CDH4: variants seen among roughly 807,000 people sequenced by gnomAD.
CDH4 encodes the protein cadherin 4.
Under a neutral mutation model 86.0 loss-of-function variants are expected in CDH4, and 33 were observed. The observed-to-expected ratio is 0.38, with a 90% CI of 0.29 to 0.51. The LOEUF (loss-of-function observed/expected upper bound fraction) is 0.51, where lower values mean the gene tolerates loss of function less well. CDH4 is among the 20% of genes least tolerant of loss of function. The pLI is 0.86. For synonymous variants in CDH4, 555 were observed against 549.4 expected (o/e 1.01, Z -0.14); for missense variants, 1,114 against 1,307.4 (o/e 0.85, Z 2.28).
At chr20:61,261,203 C>G (rs569029201) in intron 2 of CDH4, among the ~76,000 whole-genome samples, 7 of 152,078 alleles carry the variant, frequency 4.6e-5, no homozygotes, top group Non-Finnish European at 7.4e-5. Context: ...TCAGTGATTC[C>G]TAAGTCAGTG....
chr20:61,898,743 A>G (rs1372811541), intron 8 of CDH4, among the ~76,000 whole-genome samples: 3 of 152,204 alleles, frequency 2.0e-5, no homozygotes, highest in African/African-American at 7.2e-5. Context: ...CTTTCCACCT[A>G]GAATTAATCC....
At chr20:61,867,561 AAGAG>A (rs33910207) in intron 6 of CDH4, among the ~76,000 whole-genome samples, 15 of 142,102 alleles carry the variant, frequency 1.1e-4, no homozygotes, top group Non-Finnish European at 2.0e-4. Context: ...AAAAAAAAAA[AAGAG>A]AGAGAGAGAG....
At chr20:61,347,653 C>T (rs776367535) in intron 2 of CDH4, among the ~76,000 whole-genome samples, 1 of 152,192 alleles carries the variant, frequency 6.6e-6, no homozygotes, top group Admixed American at 6.5e-5. Flanking sequence ...ACCTGGAAGT[C>T]CATTGTTCAG....
intron 2 of CDH4, among the ~76,000 whole-genome samples, chr20:61,383,613 TG>T (rs796301330): frequency 6.7e-4 from 4 of 5,988 alleles, no homozygotes; most frequent in East Asian, 0.062. Flanking sequence ...ATGATATATA[TG>T]AATATATGAT....
At chr20:61,718,871 A>G (rs1213996529) in intron 2 of CDH4, 3 of 470,978 alleles carry the variant, frequency 6.4e-6, no homozygotes, top group Non-Finnish European at 1.3e-5. Flanking sequence ...TCCTGCTGTC[A>G]GGCTGGGGAT....
chr20:61,505,780 G>A (rs546050368), intron 2 of CDH4, among the ~76,000 whole-genome samples: 23 of 151,674 alleles, frequency 1.5e-4, no homozygotes, highest in African/African-American at 3.6e-4. Context: ...TAATGTTCTC[G>A]TGTGTTTTTA....
chr20:61,802,357 C>A (rs1414928666), intron 4 of CDH4, among the ~76,000 whole-genome samples: 1 of 152,228 alleles, frequency 6.6e-6, no homozygotes, highest in African/African-American at 2.4e-5. Context: ...AGAGCCCACC[C>A]TGCAGCCACC....
chr20:61,609,787 G>C (rs941027805), intron 2 of CDH4, among the ~76,000 whole-genome samples: 11 of 152,234 alleles, frequency 7.2e-5, no homozygotes, highest in Non-Finnish European at 1.5e-4. Flanking sequence ...GAATGAGCTT[G>C]TCTGCGAATT....
At chr20:61,291,586 G>A (rs189620245) in intron 2 of CDH4, among the ~76,000 whole-genome samples, 39 of 152,334 alleles carry the variant, frequency 2.6e-4, no homozygotes, top group Non-Finnish European at 3.7e-4. Flanking sequence ...ACTGCCGGTC[G>A]GCAGGAGCTC....
intron 2 of CDH4, among the ~76,000 whole-genome samples, chr20:61,403,618 T>G (rs62199116): frequency 0.056 from 8,563 of 152,212 alleles, 256 homozygotes; most frequent in African/African-American, 0.087. Context: ...CCTGACTTTG[T>G]TTCTGCCTGG....
At chr20:61,722,366 A>T (rs995242332) in intron 2 of CDH4, among the ~76,000 whole-genome samples, 2 of 152,170 alleles carry the variant, frequency 1.3e-5, no homozygotes, top group Admixed American at 6.5e-5. Context: ...TGCTACACAC[A>T]TGTTGACATA....
At chr20:61,860,042 C>G (rs564501187) in intron 6 of CDH4, among the ~76,000 whole-genome samples, 1 of 152,396 alleles carries the variant, frequency 6.6e-6, no homozygotes, top group South Asian at 2.1e-4. Context: ...AGGACAGTGC[C>G]TGCCTCATGG....
intron 2 of CDH4, among the ~76,000 whole-genome samples, chr20:61,264,936 A>C (rs1315763273): frequency 6.9e-6 from 1 of 145,330 alleles, no homozygotes; most frequent in Non-Finnish European, 1.5e-5. Context: ...TGGCTCCTTC[A>C]TTCAGTCCTA....
intron 2 of CDH4, among the ~76,000 whole-genome samples, chr20:61,319,518 A>G (rs779751922): frequency 3.3e-5 from 5 of 152,132 alleles, no homozygotes; most frequent in Non-Finnish European, 5.9e-5. Context: ...TCTCTTTGAG[A>G]TCTGATTTCA....
intron 2 of CDH4, among the ~76,000 whole-genome samples, chr20:61,280,671 T>G (rs985470822): frequency 2.0e-5 from 3 of 152,202 alleles, no homozygotes; most frequent in Non-Finnish European, 2.9e-5. Context: ...ATGGAGCCAA[T>G]TAAAATAAAA....
At chr20:61,858,166 T>C (rs1418781482) in intron 6 of CDH4, among the ~76,000 whole-genome samples, 1 of 118,914 alleles carries the variant, frequency 8.4e-6, no homozygotes, top group African/African-American at 3.2e-5. Context: ...TGTGTGTCTC[T>C]GTGTGTCTGT....
At chr20:61,599,035 A>T (rs1375305222) in intron 2 of CDH4, among the ~76,000 whole-genome samples, 1 of 152,172 alleles carries the variant, frequency 6.6e-6, no homozygotes, top group African/African-American at 2.4e-5. Flanking sequence ...TCCCTTTTGA[A>T]TAAATTTGAC....
intron 2 of CDH4, among the ~76,000 whole-genome samples, chr20:61,701,002 G>A (rs1255691249): frequency 6.6e-6 from 1 of 152,220 alleles, no homozygotes; most frequent in African/African-American, 2.4e-5. Context: ...AGAGGTGTAT[G>A]CTCTCGCTGC....
intron 2 of CDH4, among the ~76,000 whole-genome samples, chr20:61,360,623 C>T (rs1316228051): frequency 6.6e-6 from 1 of 152,182 alleles, no homozygotes. Context: ...ACCACCCAGT[C>T]CAGCCTGGGG....
Sources: gnomAD v4.1 joint callset for allele counts (sites outside exome capture counted in the v4.1 genomes callset) on GRCh38, gnomAD v4.1.1 for gene constraint, MANE v1.5 for transcripts, NCBI Gene and HGNC (gene_info 2026-07-23, HGNC 2026-07-21) for gene names.